The following ITGA2B variants were observed in gnomAD, a reference collection of about 807,000 sequenced individuals.
ITGA2B encodes integrin subunit alpha 2b.
A neutral mutation model predicts 142.0 loss-of-function variants in ITGA2B; 91 were observed. The observed-to-expected ratio is 0.64, with a 90% CI of 0.54 to 0.76. ITGA2B has a LOEUF of 0.76. ITGA2B is among the 30% of genes least tolerant of loss of function. The probability of loss-of-function intolerance (pLI) is 0.00; values close to 1 mark genes in which losing one functional copy is unlikely to be tolerated. For synonymous variants in ITGA2B, 536 were observed against 567.2 expected (o/e 0.94, Z 0.78); for missense variants, 1,231 against 1,350.8 (o/e 0.91, Z 1.39).
At chr17:44,380,179 G>A (rs764155475) in intron 16 of ITGA2B, 26 bp from the exon 17 acceptor site, 7 of 1,613,036 alleles carry the variant, frequency 4.3e-6, no homozygotes, top group Non-Finnish European at 5.1e-6. Flanking sequence ...GAAGAGTCAG[G>A]ACCTCCCTGG....
At chr17:44,376,052 C>A (rs370257339) in intron 24 of ITGA2B, 33 bp downstream of exon 24, 3 of 1,614,108 alleles carry the variant, frequency 1.9e-6, no homozygotes, top group East Asian at 4.5e-5. Context: ...AGGACCCGCT[C>A]ACCCCAGCCA....
At chr17:44,377,356 C>T (rs531836265) in intron 21 of ITGA2B, among the ~76,000 whole-genome samples, 15 of 152,070 alleles carry the variant, frequency 9.9e-5, no homozygotes, top group African/African-American at 2.9e-4. Flanking sequence ...CCACCATGCC[C>T]GGGTAATTTT....
At chr17:44,376,061 C>T (rs1401167980) in intron 24 of ITGA2B, 24 bp downstream of exon 24, 1 of 1,614,046 alleles carries the variant, frequency 6.2e-7, no homozygotes, top group African/African-American at 1.3e-5. Context: ...TCACCCCAGC[C>T]AGGGACGCGA....
Position 44,385,006 on chromosome 17 carries a change from C to T in ITGA2B, c.741G>A (p.Val247=). 1 of 1,614,090 alleles carries T rather than the reference C, an allele frequency of 6.2e-7. No homozygotes were observed. The highest frequency in any genetic ancestry group is 1.1e-5 in the South Asian group (1 of 91,072). Residue 247 remains valine (V), a synonymous_variant, in exon 7 of 30, where the codon GTG becomes GTA. Coordinates refer to ENST00000262407, the MANE Select transcript of ITGA2B (RefSeq NM_000419.5). ...SYRPGILLWH[V]SSQSLSFDSS... ...AGTCAAAGGAGAGGCTCTGGGAGGA[C>T]ACGTGCCACAAAAGGATGCCTGGGC...
At chr17:44,386,250 T>A in intron 1 of ITGA2B, 119 bp from the exon 2 acceptor site, 1 of 1,437,720 alleles carries the variant, frequency 7.0e-7, no homozygotes, top group Non-Finnish European at 9.4e-7. Flanking sequence ...CCATCTTTCC[T>A]CAATGACACC....
At chr17:44,376,760 G>C (rs1050285564) in intron 22 of ITGA2B, among the ~76,000 whole-genome samples, 2 of 151,964 alleles carry the variant, frequency 1.3e-5, no homozygotes, top group Admixed American at 1.3e-4. Flanking sequence ...TTGTAGGTGC[G>C]CACCACCATG....
At chr17:44,387,302 C>T (rs2048657628) in intron 1 of ITGA2B, among the ~76,000 whole-genome samples, 1 of 151,992 alleles carries the variant, frequency 6.6e-6, no homozygotes, top group African/African-American at 2.4e-5. Context: ...GCAGGCTGAT[C>T]ACCTGAGGTC....
intron 21 of ITGA2B, 142 bp from the exon 22 acceptor site, chr17:44,377,230 C>G: frequency 1.4e-6 from 1 of 713,210 alleles, no homozygotes; most frequent in South Asian, 1.5e-5. Context: ...GAGTCTCACT[C>G]TGTCACCCAG....
intron 12 of ITGA2B, among the ~76,000 whole-genome samples, chr17:44,381,941 T>G (rs1401807612): frequency 6.6e-6 from 1 of 152,086 alleles, no homozygotes; most frequent in Non-Finnish European, 1.5e-5. Context: ...TAGCATCTAT[T>G]TCTAGCCTTC....
chr17:44,381,069 G>A lies in ITGA2B; in HGVS notation c.1211-8C>T. ...GGGCAGCCACTGCAATGTCTGGAAG[G>A]AGTAACAGAAAGGAAGTGGCTGATT... On this transcript the variant is annotated splice_polypyrimidine_tract_variant and splice_region_variant and intron_variant, in intron 12 of 29. Transcript: ENST00000262407. The A allele has an allele frequency of 6.2e-7, 1 of 1,612,690 alleles. No individual in the cohort carries two copies. The highest frequency in any genetic ancestry group is 2.2e-5 in the East Asian group (1 of 44,870).
At chr17:44,382,343 A>C (rs963500000) in intron 12 of ITGA2B, among the ~76,000 whole-genome samples, 14 of 151,420 alleles carry the variant, frequency 9.2e-5, no homozygotes, top group Non-Finnish European at 2.1e-4. Context: ...TTTTTACCAC[A>C]AACCTGTTGA....
chr17:44,375,424 C>G, intron 26 of ITGA2B, 167 bp downstream of exon 26: 1 of 810,504 alleles, frequency 1.2e-6, no homozygotes, highest in Non-Finnish European at 1.9e-6. Flanking sequence ...TTTCAGCTCA[C>G]CCCAGACACA....
chr17:44,373,855 CATTT>C (rs2048516339), intron 29 of ITGA2B: 6 of 211,268 alleles, frequency 2.8e-5, no homozygotes, highest in Middle Eastern at 2.1e-3. Context: ...AGGAGAATGA[CATTT>C]TTGTGTTTGT....
At chr17:44,382,945 C>T (rs1028073489) in intron 12 of ITGA2B, among the ~76,000 whole-genome samples, 10 of 152,040 alleles carry the variant, frequency 6.6e-5, no homozygotes, top group Non-Finnish European at 4.4e-5. Context: ...TCACAGGTCC[C>T]GGGACCTCAT....
chr17:44,377,680 A>C lies in ITGA2B; in HGVS notation c.2187+18T>G. 6.2e-7 allele frequency: 1 copy of C among 1,605,270 alleles called. No individual in the cohort carries two copies. Among genetic ancestry groups the C allele is most frequent in the Non-Finnish European group, 8.5e-7 (1 of 1,173,022 alleles). On this transcript the variant is annotated intron_variant, in intron 21 of 29. Transcript: ENST00000262407. ...GAGCCCCTGGTGGAGACCCGGTACCACGACCCAGCAGCCTCACCTGGGCGT... is the reference window on the plus strand; with the variant it reads ...GAGCCCCTGGTGGAGACCCGGTACCCCGACCCAGCAGCCTCACCTGGGCGT...
chr17:44,383,287 C>T (rs2048612027), intron 12 of ITGA2B, among the ~76,000 whole-genome samples: 1 of 152,174 alleles, frequency 6.6e-6, no homozygotes, highest in African/African-American at 2.4e-5. Flanking sequence ...TCCAGGTGGT[C>T]ATTGTCTCTT....
chr17:44,376,407 G>A lies in ITGA2B; in HGVS notation c.2268-19C>T. ...GTTCTTGCTAGAGGGGAGGGGATGA[G>A]GAGAAACAGGGCCAGGGACACCAGC... is the stretch of plus-strand genomic sequence containing the variant. On this transcript the variant is annotated intron_variant, in intron 22 of 29. Transcript: ENST00000262407. 1 of 1,613,170 alleles carries A rather than the reference G, an allele frequency of 6.2e-7. No homozygotes were observed. Among genetic ancestry groups the A allele is most frequent in the South Asian group, 1.1e-5 (1 of 91,066 alleles).
At chr17:44,375,154 C>T (rs2048529772) in intron 26 of ITGA2B, 43 bp from the exon 27 acceptor site, 1 of 1,494,520 alleles carries the variant, frequency 6.7e-7, no homozygotes, top group Non-Finnish European at 9.1e-7. Context: ...CCCGGCCCAT[C>T]ACCCCATCAT....
At chr17:44,374,597 G>C in intron 28 of ITGA2B, 62 bp downstream of exon 28, 1 of 1,543,886 alleles carries the variant, frequency 6.5e-7, no homozygotes, top group Non-Finnish European at 9.0e-7. Context: ...TTCTGGCTGG[G>C]CACTGACTGG....
Sources: gnomAD v4.1 joint callset for allele counts (sites outside exome capture counted in the v4.1 genomes callset) on GRCh38, gnomAD v4.1.1 for gene constraint, MANE v1.5 for transcripts, NCBI Gene and HGNC (gene_info 2026-07-23, HGNC 2026-07-21) for gene names.